STT3B: variants seen among roughly 807,000 people sequenced by gnomAD.
The protein encoded by STT3B is STT3 oligosaccharyltransferase complex catalytic subunit B.
A neutral mutation model predicts 96.8 loss-of-function variants in STT3B; 29 were observed. That is an observed-to-expected ratio of 0.30 (90% CI 0.22 to 0.41). The LOEUF (loss-of-function observed/expected upper bound fraction) is 0.41. STT3B is among the 10% of genes least tolerant of loss of function. STT3B has a pLI of 1.00. For synonymous variants in STT3B, 367 were observed against 360.0 expected, an observed-to-expected ratio of 1.02 and a Z score of -0.22; for missense variants, 640 against 1,022.3, an observed-to-expected ratio of 0.63 and a Z score of 5.10.
intron 1 of STT3B, among the ~76,000 whole-genome samples, chr3:31,562,461 G>T (rs1263070447): frequency 2.0e-5 from 3 of 152,178 alleles, no homozygotes; most frequent in African/African-American, 7.2e-5. Flanking sequence ...GTGTGTTTGG[G>T]TACTTGCTTT....
intron 4 of STT3B, among the ~76,000 whole-genome samples, chr3:31,598,735 A>G (rs56159114): frequency 0.012 from 1,782 of 152,176 alleles, 37 homozygotes; most frequent in African/African-American, 0.041. Flanking sequence ...TCAATTTTCA[A>G]CCTTAATGTA....
chr3:31,635,672 A>G (rs1408377159), intron 15 of STT3B, among the ~76,000 whole-genome samples: 1 of 152,176 alleles, frequency 6.6e-6, no homozygotes, highest in Non-Finnish European at 1.5e-5. Flanking sequence ...AGTGTTACAT[A>G]TTCTGTCTTG....
At chr3:31,542,207 A>C (rs1697291611) in intron 1 of STT3B, among the ~76,000 whole-genome samples, 1 of 152,204 alleles carries the variant, frequency 6.6e-6, no homozygotes, top group Non-Finnish European at 1.5e-5. Flanking sequence ...CTGGTTTTAA[A>C]CTATGGCTTT....
chr3:31,609,782 A>G (rs1699141259), intron 5 of STT3B, among the ~76,000 whole-genome samples: 2 of 151,970 alleles, frequency 1.3e-5, no homozygotes, highest in Admixed American at 6.6e-5. Context: ...TTTAGTGGAG[A>G]TGGGGTTTCA....
intron 3 of STT3B, among the ~76,000 whole-genome samples, chr3:31,588,514 C>T (rs1184455637): frequency 6.6e-6 from 1 of 151,998 alleles, no homozygotes; most frequent in Admixed American, 6.6e-5. Context: ...TAGATTTGCT[C>T]AGTATAGAGG....
In STT3B at chr3:31,617,935, C is replaced by T. The variant is rs761579807; in HGVS notation, c.1124-5C>T. 1 of 1,598,924 alleles carries T rather than the reference C, an allele frequency of 6.3e-7. No individual in the cohort carries two copies. The highest frequency in any genetic ancestry group is 8.6e-7 in the Non-Finnish European group (1 of 1,167,066). On this transcript the variant is annotated splice_polypyrimidine_tract_variant and splice_region_variant and intron_variant, in intron 7 of 15. Coordinates refer to ENST00000295770, the MANE Select transcript of STT3B (RefSeq NM_178862.3). ...ATTAATTTCATCCATGTTTTTCCTT[C>T]CAAGGTTACATTGCACCATGGAGTG...
intron 13 of STT3B, 40 bp downstream of exon 13, chr3:31,626,167 C>G: frequency 6.5e-7 from 1 of 1,541,234 alleles, no homozygotes; most frequent in South Asian, 1.2e-5. Flanking sequence ...AAAGATAGCT[C>G]ACTGTGTCCT....
At chr3:31,538,595 C>T (rs1327200473) in intron 1 of STT3B, among the ~76,000 whole-genome samples, 1 of 152,128 alleles carries the variant, frequency 6.6e-6, no homozygotes, top group Non-Finnish European at 1.5e-5. Flanking sequence ...TTGTCTCTGC[C>T]ATCTTTCATC....
chr3:31,595,460 TCAG>T (rs1249447151), intron 3 of STT3B, among the ~76,000 whole-genome samples: 3 of 152,216 alleles, frequency 2.0e-5, no homozygotes, highest in Non-Finnish European at 4.4e-5. Flanking sequence ...TTATAATTCT[TCAG>T]TGCCTGCTTT....
intron 1 of STT3B, among the ~76,000 whole-genome samples, chr3:31,566,595 T>A (rs922825943): frequency 6.6e-6 from 1 of 152,166 alleles, no homozygotes; most frequent in Non-Finnish European, 1.5e-5. Context: ...CACTTGATAG[T>A]TTCTTTGCCT....
At chr3:31,549,150 T>TCCTA in intron 1 of STT3B, among the ~76,000 whole-genome samples, 1 of 152,268 alleles carries the variant, frequency 6.6e-6, no homozygotes, top group East Asian at 1.9e-4. Flanking sequence ...TTTACCAAAG[T>TCCTA]CGTAGAGATA....
intron 6 of STT3B, 90 bp from the exon 7 acceptor site, chr3:31,616,839 A>G (rs1699317329): frequency 1.7e-6 from 2 of 1,153,834 alleles, no homozygotes; most frequent in Admixed American, 4.0e-5. Flanking sequence ...TGAATGGTGC[A>G]GGACATTCTA....
At chr3:31,575,468 G>GC (rs149829667) in intron 1 of STT3B, among the ~76,000 whole-genome samples, 1 of 150,458 alleles carries the variant, frequency 6.6e-6, no homozygotes, top group Non-Finnish European at 1.5e-5. Context: ...GATTTTTTTG[G>GC]GGGGGGGATA....
intron 1 of STT3B, among the ~76,000 whole-genome samples, chr3:31,555,879 A>G (rs1697695208): frequency 6.6e-6 from 1 of 152,126 alleles, no homozygotes; most frequent in Non-Finnish European, 1.5e-5. Flanking sequence ...TTGAGTATTT[A>G]TTATTTCTAC....
At chr3:31,569,016 T>C (rs573301191) in intron 1 of STT3B, among the ~76,000 whole-genome samples, 1 of 152,134 alleles carries the variant, frequency 6.6e-6, no homozygotes, top group Non-Finnish European at 1.5e-5. Context: ...TTCTTTCTTT[T>C]TGTTTCTTTT....
In STT3B at chr3:31,629,374, T is replaced by C; in HGVS notation, c.2150T>C (p.Met717Thr). ...TCCCCTACTTTGTTGAATTGCCTTA[T>C]GTATAAAATGTCATACTACAGATTT... ...AGSPTLLNCL[M>T]YKMSYYRFGE... The change falls in exon 14 of 16, where the codon ATG becomes ACG. Residue 717 changes from methionine (M) to threonine (T), a missense_variant. Around this residue, in one of 8 missense-constraint regions of STT3B, gnomAD observed 40 missense variants for 122.2 expected, o/e 0.33. Coordinates refer to ENST00000295770, the MANE Select transcript of STT3B (RefSeq NM_178862.3). 1 of 1,607,252 alleles carries C rather than the reference T, an allele frequency of 6.2e-7. No homozygotes were observed. Among genetic ancestry groups the C allele is most frequent in the Non-Finnish European group, 8.5e-7 (1 of 1,175,556 alleles).
intron 1 of STT3B, among the ~76,000 whole-genome samples, chr3:31,558,157 T>A (rs1195496398): frequency 1.3e-5 from 2 of 152,234 alleles, no homozygotes; most frequent in African/African-American, 2.4e-5. Flanking sequence ...TTTTTCAATT[T>A]GGATGCCTTT....
At chr3:31,570,391 G>A (rs952099533) in intron 1 of STT3B, among the ~76,000 whole-genome samples, 3 of 152,138 alleles carry the variant, frequency 2.0e-5, no homozygotes, top group African/African-American at 7.2e-5. Flanking sequence ...AGAAATTAAG[G>A]TAGACTGGGA....
In STT3B at chr3:31,596,866, A is replaced by G; in HGVS notation, c.777+3A>G. 6.2e-7 allele frequency: 1 copy of G among 1,608,110 alleles called. No homozygotes were observed. The highest frequency in any genetic ancestry group is 8.5e-7 in the Non-Finnish European group (1 of 1,175,502). On this transcript the variant is annotated splice_donor_region_variant and intron_variant, in intron 4 of 15. Transcript: ENST00000295770. ...GCTGCTTATCCTATTTCTATATGGTAAGATTTCATATTTGAGACTACATGA... is the reference window on the plus strand; with the variant it reads ...GCTGCTTATCCTATTTCTATATGGTGAGATTTCATATTTGAGACTACATGA...
Sources: allele counts gnomAD v4.1 joint callset (sites outside exome capture counted in the v4.1 genomes callset), GRCh38; gene constraint gnomAD v4.1.1; regional missense constraint gnomAD v4.1.1; transcripts MANE v1.5; gene names NCBI Gene and HGNC (gene_info 2026-07-23, HGNC 2026-07-21).